WDR35: variants seen among roughly 807,000 people sequenced by gnomAD.
The protein encoded by WDR35 is WD repeat-containing protein 35.
WDR35 carries 118 observed loss-of-function variants against 158.3 expected under a neutral mutation model. That is an observed-to-expected ratio of 0.75 (90% CI 0.64 to 0.87). The LOEUF is 0.87. Among genes scored for constraint, WDR35 ranks in the 40% least tolerant of loss-of-function variants. The pLI is 0.00. For missense variants in WDR35, 1,263 were observed against 1,405.8 expected (o/e 0.90, Z 1.62); for synonymous variants, 448 against 476.1 (o/e 0.94, Z 0.77).
At chr2:19,927,987 G>C (rs183736120) in intron 25 of WDR35, among the ~76,000 whole-genome samples, 41 of 152,296 alleles carry the variant, frequency 2.7e-4, no homozygotes, top group Non-Finnish European at 5.4e-4. Flanking sequence ...GCAAATCAAA[G>C]AAGGGGGACA....
intron 25 of WDR35, among the ~76,000 whole-genome samples, chr2:19,920,113 A>T (rs951324593): frequency 6.6e-6 from 1 of 152,250 alleles, no homozygotes; most frequent in South Asian, 2.1e-4. Flanking sequence ...AAAAAAGTCC[A>T]GGACCAGACG....
At position 19,948,215 on chromosome 2, in the gene WDR35, G is replaced by T; in HGVS notation, c.1473C>A (p.Gly491=). The change falls in exon 14 of 27, where the codon GGC becomes GGA. Residue 491 remains glycine (G), a splice_region_variant and synonymous_variant. Coordinates refer to ENST00000281405, the MANE Select transcript of WDR35 (RefSeq NM_020779.4). ...GVLDYSKTIQ[G]TRDPICAITA... ...TTATGGCACAAATTGGATCCCTTGT[G>T]CCCTAAAATAAATTAATCAATCATT... 1 of 1,609,876 alleles carries T rather than the reference G, an allele frequency of 6.2e-7. No homozygotes were observed. Among genetic ancestry groups the T allele is most frequent in the Non-Finnish European group, 8.5e-7 (1 of 1,178,592 alleles).
intron 2 of WDR35, 66 bp from the exon 3 acceptor site, chr2:19,982,600 T>C: frequency 6.6e-7 from 1 of 1,504,472 alleles, no homozygotes; most frequent in African/African-American, 1.4e-5. Flanking sequence ...AGATTTTGAC[T>C]CTTTTTGTAT....
chr2:19,928,909 C>A (rs1054010977), intron 25 of WDR35, among the ~76,000 whole-genome samples: 1 of 152,086 alleles, frequency 6.6e-6, no homozygotes, highest in African/African-American at 2.4e-5. Flanking sequence ...CAGGTTCACA[C>A]CATTCTCCTG....
chr2:19,948,017 G>T, intron 14 of WDR35, 147 bp downstream of exon 14: 1 of 607,430 alleles, frequency 1.6e-6, no homozygotes, highest in Non-Finnish European at 2.8e-6. Flanking sequence ...TTCTCAGTCT[G>T]GTCTCCATTT....
At chr2:19,946,020 A>G in intron 15 of WDR35, 24 bp from the exon 16 acceptor site, 1 of 1,609,012 alleles carries the variant, frequency 6.2e-7, no homozygotes, top group Non-Finnish European at 8.5e-7. Context: ...AATTAGAGAA[A>G]AGGAAAAAAC....
intron 9 of WDR35, among the ~76,000 whole-genome samples, chr2:19,968,606 GT>G: frequency 6.6e-6 from 1 of 152,238 alleles, no homozygotes; most frequent in South Asian, 2.1e-4. Context: ...CCATCCTTTT[GT>G]TGTCTGAGCA....
intron 11 of WDR35, 100 bp from the exon 12 acceptor site, chr2:19,954,078 T>A (rs1448099254): frequency 7.7e-7 from 1 of 1,294,442 alleles, no homozygotes; most frequent in Non-Finnish European, 1.1e-6. Flanking sequence ...CCCCTCATTT[T>A]ATAGACAATA....
At chr2:19,979,569 T>C (rs531878827) in intron 4 of WDR35, among the ~76,000 whole-genome samples, 1 of 152,328 alleles carries the variant, frequency 6.6e-6, no homozygotes, top group African/African-American at 2.4e-5. Context: ...ATAGGCTATT[T>C]TGTTTTTGCT....
chr2:19,980,755 C>T lies in WDR35; in HGVS notation c.243G>A (p.Glu81=), dbSNP rs1465357944. ...SGSVQVVTWN[E]QYQKLTTSDE... Reference sequence around the variant, plus strand: ...CACTGGTAGTCAACTTCTGATACTGCTCATTCCATGTTACAACTTGAACAG... The same window carrying T: ...CACTGGTAGTCAACTTCTGATACTGTTCATTCCATGTTACAACTTGAACAG... Residue 81 remains glutamate, a synonymous_variant, in exon 4 of 27, where the codon GAG becomes GAA. Coordinates refer to ENST00000281405, the MANE Select transcript of WDR35 (RefSeq NM_020779.4). The T allele has an allele frequency of 1.9e-6, 3 of 1,613,760 alleles. No individual in the cohort carries two copies. Among genetic ancestry groups the T allele is most frequent in the Non-Finnish European group, 2.5e-6 (3 of 1,179,810 alleles).
At position 19,954,116 on chromosome 2, in the gene WDR35, T is replaced by C. The variant is rs1346292374; in HGVS notation, c.1256-138A>G. On this transcript the variant is annotated intron_variant, in intron 11 of 26. Coordinates refer to ENST00000281405, the MANE Select transcript of WDR35 (RefSeq NM_020779.4). ...CCCCCACATAGTCTCAAAATACCCA[T>C]ACACAGTCTCTGAAATCAGAAAAGA... The C allele has an allele frequency of 6.6e-6, 6 of 907,050 alleles. No homozygotes were observed. In the East Asian group the frequency reaches 1.6e-4, roughly 24 times the overall value. The allele number at this position is 907,050 out of a possible 1,614,324, so 56.2% of individuals were successfully genotyped here.
At chr2:19,976,880 T>C (rs1672235292) in intron 5 of WDR35, among the ~76,000 whole-genome samples, 1 of 151,906 alleles carries the variant, frequency 6.6e-6, no homozygotes, top group African/African-American at 2.4e-5. Flanking sequence ...AGTGTAGTGG[T>C]AAGATGATGG....
intron 15 of WDR35, 30 bp downstream of exon 15, chr2:19,946,431 C>T (rs1671054981): frequency 1.9e-6 from 3 of 1,552,056 alleles, no homozygotes; most frequent in Middle Eastern, 1.7e-4. Context: ...CTAAGTCTAA[C>T]ATCTACATGA....
At chr2:19,926,397 C>A (rs1670355618) in intron 25 of WDR35, among the ~76,000 whole-genome samples, 1 of 152,144 alleles carries the variant, frequency 6.6e-6, no homozygotes, top group Non-Finnish European at 1.5e-5. Context: ...TTCCAGACGC[C>A]CTATACTTCA....
chr2:19,980,591 T>A, intron 4 of WDR35, 100 bp downstream of exon 4: 1 of 939,712 alleles, frequency 1.1e-6, no homozygotes, highest in Non-Finnish European at 1.7e-6. Context: ...CTGTTGTTAG[T>A]AAAAGGGGTC....
At chr2:19,960,700 T>C in intron 10 of WDR35, 86 bp from the exon 11 acceptor site, 1 of 1,032,076 alleles carries the variant, frequency 9.7e-7, no homozygotes, top group Non-Finnish European at 1.5e-6. Flanking sequence ...TGCTTATCTC[T>C]TTTTCAAGTA....
At chr2:19,933,124 T>G (rs1479206498) in intron 22 of WDR35, among the ~76,000 whole-genome samples, 2 of 152,158 alleles carry the variant, frequency 1.3e-5, no homozygotes, top group Non-Finnish European at 2.9e-5. Context: ...AGACAAAAAC[T>G]TGCCAGACTA....
chr2:19,980,450 T>C (rs1283641681), intron 4 of WDR35, among the ~76,000 whole-genome samples: 1 of 152,056 alleles, frequency 6.6e-6, no homozygotes, highest in Non-Finnish European at 1.5e-5. Flanking sequence ...GCTAAGAGTC[T>C]AAGTTCATTT....
At chr2:19,986,012 G>A (rs1408241310) in intron 2 of WDR35, among the ~76,000 whole-genome samples, 1 of 152,028 alleles carries the variant, frequency 6.6e-6, no homozygotes, top group East Asian at 1.9e-4. Context: ...AATAGACCAG[G>A]TGAGGGATGA....
Sources: gnomAD v4.1 joint callset for allele counts (sites outside exome capture counted in the v4.1 genomes callset) on GRCh38, gnomAD v4.1.1 for gene constraint, MANE v1.5 for transcripts, NCBI Gene and HGNC (gene_info 2026-07-23, HGNC 2026-07-21) for gene names.